Variants in GPC5 observed in about 807,000 individuals in gnomAD.
The protein encoded by GPC5 is glypican 5.
A neutral mutation model predicts 53.9 loss-of-function variants in GPC5; 47 were observed. That is an observed-to-expected ratio of 0.87 (90% confidence interval 0.69 to 1.11). The LOEUF (loss-of-function observed/expected upper bound fraction) is 1.11. Ranked by LOEUF, GPC5 falls within the 50% of genes most tolerant of loss-of-function variation. The pLI is 0.00. For synonymous variants in GPC5, 286 were observed against 263.3 expected (o/e 1.09, Z -0.84); for missense variants, 748 against 713.1 (o/e 1.05, Z -0.56).
rs192901849 is a variant in GPC5 at position 91,689,719 on chromosome 13, C to T, written c.326-3468C>T. Among the ~76,000 whole-genome samples, 199 of 152,060 alleles carry T rather than the reference C, an allele frequency of 1.3e-3. 1 individual carries two copies. The highest frequency in any genetic ancestry group is 4.4e-3 in the African/African-American group (183 of 41,484). On this transcript the variant is annotated intron_variant, in intron 2 of 7. Coordinates refer to ENST00000377067, the MANE Select transcript of GPC5 (RefSeq NM_004466.6). ...ACAGGGTCAGGATCATCAATATCAC[C>T]GTCTTCCGCCTCCACATCTTGTTGC...
intron 7 of GPC5, among the ~76,000 whole-genome samples, chr13:92,333,954 A>G (rs896468996): frequency 1.1e-4 from 17 of 152,178 alleles, no homozygotes; most frequent in Non-Finnish European, 5.9e-5. Context: ...AAAACAAAAC[A>G]AAACAAACAA....
intron 5 of GPC5, among the ~76,000 whole-genome samples, chr13:91,865,012 C>A (rs906946600): frequency 9.2e-5 from 14 of 151,468 alleles, no homozygotes; most frequent in African/African-American, 3.4e-4. Flanking sequence ...TCAAGCGATT[C>A]TCCTGCCTCA....
At chr13:92,031,954 G>T (rs1566403560) in intron 6 of GPC5, among the ~76,000 whole-genome samples, 1 of 113,612 alleles carries the variant, frequency 8.8e-6, no homozygotes, top group South Asian at 2.5e-4. Context: ...TATTCCATCA[G>T]ATATATTATA....
At chr13:91,522,945 T>C (rs544058247) in intron 2 of GPC5, among the ~76,000 whole-genome samples, 1 of 152,352 alleles carries the variant, frequency 6.6e-6, no homozygotes, top group African/African-American at 2.4e-5. Context: ...TCCAAGTTTT[T>C]GCTATTGTGA....
intron 6 of GPC5, among the ~76,000 whole-genome samples, chr13:92,111,802 C>A (rs1031708348): frequency 2.6e-5 from 4 of 152,128 alleles, no homozygotes; most frequent in Non-Finnish European, 4.4e-5. Flanking sequence ...TGAAGAAATG[C>A]ATCAACATAA....
In GPC5 at chr13:91,538,020, G is replaced by T. The variant is rs190141106; in HGVS notation, c.325+89098G>T. 7.7e-4 allele frequency among the ~76,000 whole-genome samples: 118 copies of T among 152,348 alleles called. 1 individual carries two copies. Among genetic ancestry groups the T allele is most frequent in the African/African-American group, 2.6e-3 (108 of 41,592 alleles). On this transcript the variant is annotated intron_variant, in intron 2 of 7. Coordinates refer to ENST00000377067, the MANE Select transcript of GPC5 (RefSeq NM_004466.6). ...AACTGACAAATAAAATGTGGTTTAT[G>T]CATACAATGAAATATTCAGTTATAA...
intron 2 of GPC5, among the ~76,000 whole-genome samples, chr13:91,577,114 T>C (rs2032167626): frequency 6.6e-6 from 1 of 152,146 alleles, no homozygotes; most frequent in South Asian, 2.1e-4. Flanking sequence ...GATTATTGGT[T>C]CTTCCTGTCT....
chr13:91,757,756 A>G (rs2037326278), intron 5 of GPC5, among the ~76,000 whole-genome samples: 1 of 152,136 alleles, frequency 6.6e-6, no homozygotes, highest in Non-Finnish European at 1.5e-5. Context: ...TCTTCATAGC[A>G]CTATGAAAAT....
chr13:92,171,298 G>T (rs1328313008), intron 7 of GPC5, among the ~76,000 whole-genome samples: 2 of 151,988 alleles, frequency 1.3e-5, no homozygotes, highest in Admixed American at 6.6e-5. Flanking sequence ...AACTCTTCCT[G>T]CAATAAATTA....
At chr13:92,400,840 C>G (rs1875523539) in intron 7 of GPC5, among the ~76,000 whole-genome samples, 1 of 152,076 alleles carries the variant, frequency 6.6e-6, no homozygotes, top group East Asian at 1.9e-4. Flanking sequence ...TTCAAACTTA[C>G]AAATGCTTGG....
chr13:91,964,333 C>T (rs2040159969), intron 6 of GPC5, among the ~76,000 whole-genome samples: 1 of 152,144 alleles, frequency 6.6e-6, no homozygotes, highest in South Asian at 2.1e-4. Flanking sequence ...TGCTTTTATT[C>T]CCTTATTTGG....
chr13:92,517,408 C>G (rs1880837499), intron 7 of GPC5, among the ~76,000 whole-genome samples: 1 of 152,328 alleles, frequency 6.6e-6, no homozygotes, highest in Non-Finnish European at 1.5e-5. Context: ...TCCCTGACTC[C>G]CAAGTAGCCT....
intron 1 of GPC5, among the ~76,000 whole-genome samples, chr13:91,448,272 T>C (rs78768405): frequency 0.021 from 3,152 of 152,328 alleles, 61 homozygotes; most frequent in South Asian, 0.047. Flanking sequence ...GATAGCCTAC[T>C]TCACAAGCAG....
chr13:91,689,184 A>AATATATATATATATATATATAT (rs1169911890), intron 2 of GPC5, among the ~76,000 whole-genome samples: 1 of 49,590 alleles, frequency 2.0e-5, no homozygotes, highest in African/African-American at 6.7e-5. Flanking sequence ...ATCATATATA[A>AATATATATATATATATATATAT]ATATATATAT....
At chr13:91,492,031 A>C (rs666433) in intron 2 of GPC5, among the ~76,000 whole-genome samples, 151,467 of 152,292 alleles carry the variant, frequency 0.99, 75,337 homozygotes, top group Middle Eastern at 1. Flanking sequence ...CTCTATTATT[A>C]CATGGTGTTC....
At position 92,588,231 on chromosome 13, in the gene GPC5, C is replaced by T. The variant is rs1472879746; in HGVS notation, c.1562-278051C>T. 2.6e-5 allele frequency among the ~76,000 whole-genome samples: 4 copies of T among 152,246 alleles called. No individual in the cohort carries two copies. The East Asian group carries it at 7.7e-4, about 29-fold the overall frequency. On this transcript the variant is annotated intron_variant, in intron 7 of 7. Coordinates refer to ENST00000377067, the MANE Select transcript of GPC5 (RefSeq NM_004466.6). ...AAGGATGATGGTTTCCAGCTTCATC[C>T]ATGTCTCTGCAAAGGACATGAACTC...
chr13:91,519,974 T>C (rs902925829), intron 2 of GPC5, among the ~76,000 whole-genome samples: 7 of 152,044 alleles, frequency 4.6e-5, no homozygotes, highest in African/African-American at 1.7e-4. Context: ...AAATAAGATT[T>C]AGAAAAATTG....
intron 7 of GPC5, among the ~76,000 whole-genome samples, chr13:92,299,476 T>C (rs2043060613): frequency 6.6e-6 from 1 of 152,202 alleles, no homozygotes; most frequent in African/African-American, 2.4e-5. Flanking sequence ...TAAATGCCAC[T>C]TTCCAATACT....
intron 7 of GPC5, among the ~76,000 whole-genome samples, chr13:92,311,088 T>A (rs2043142041): frequency 6.6e-6 from 1 of 152,212 alleles, no homozygotes; most frequent in Non-Finnish European, 1.5e-5. Flanking sequence ...AGCCACTTTA[T>A]ATCTTTTATG....
Sources: allele counts gnomAD v4.1 joint callset (sites outside exome capture counted in the v4.1 genomes callset), GRCh38; gene constraint gnomAD v4.1.1; transcripts MANE v1.5; gene names NCBI Gene and HGNC (gene_info 2026-07-23, HGNC 2026-07-21).